Variants in NBAS observed in about 807,000 individuals in gnomAD.
NBAS encodes NBAS subunit of NRZ tethering complex.
NBAS carries 219 observed loss-of-function variants against 302.5 expected under a neutral mutation model. The ratio of observed to expected loss-of-function variants is 0.72; its 90% CI spans 0.65 to 0.81. The LOEUF (loss-of-function observed/expected upper bound fraction) is 0.81, where lower values mean the gene tolerates loss of function less well. NBAS is among the 30% of genes least tolerant of loss of function. The pLI, the probability that NBAS is intolerant of heterozygous loss-of-function variation, is 0.00. For missense variants in NBAS, 2,932 were observed against 2,841.6 expected (o/e 1.03, Z -0.72); for synonymous variants, 1,118 against 1,021.6 (o/e 1.09, Z -1.80).
At chr2:15,047,109 A>G in the NBAS span, among the ~76,000 whole-genome samples, 1 of 152,258 alleles carries the variant, frequency 6.6e-6, no homozygotes, top group Non-Finnish European at 1.5e-5. Flanking sequence ...TGATTCAGGC[A>G]GTAGAGCCTA....
At chr2:15,176,558 A>G (rs1664551487) in intron 51 of NBAS, among the ~76,000 whole-genome samples, 1 of 152,248 alleles carries the variant, frequency 6.6e-6, no homozygotes, top group Non-Finnish European at 1.5e-5. Flanking sequence ...CAACCGGGTC[A>G]TAATATTACA....
the NBAS span, among the ~76,000 whole-genome samples, chr2:14,914,885 T>A: frequency 6.6e-6 from 1 of 152,194 alleles, no homozygotes; most frequent in Admixed American, 6.5e-5. Flanking sequence ...ATTGGAGATA[T>A]CTAATAAGTA....
chr2:15,384,029 A>T (rs570133095), intron 28 of NBAS, among the ~76,000 whole-genome samples: 1 of 152,290 alleles, frequency 6.6e-6, no homozygotes, highest in South Asian at 2.1e-4. Context: ...CTCTTGCAAC[A>T]CACTCAGGAA....
Position 15,292,720 on chromosome 2 carries a change from C to T in NBAS, c.4844G>A (p.Arg1615Gln), listed in dbSNP as rs751460375. 36 of 1,614,010 alleles carry T rather than the reference C, an allele frequency of 2.2e-5. No individual in the cohort carries two copies. Among genetic ancestry groups the T allele is most frequent in the South Asian group, 1.8e-4 (16 of 91,064 alleles). Residue 1615 changes from arginine to glutamine, a missense_variant, in exon 41 of 52, where the codon CGA becomes CAA. Coordinates refer to ENST00000281513, the MANE Select transcript of NBAS (RefSeq NM_015909.4). Reference sequence around the variant, plus strand: ...TTCAGGCCAGGCTTCGTGCTCATGTCGAGTCACATGCCTGGTGACCATCTT... The same window carrying T: ...TTCAGGCCAGGCTTCGTGCTCATGTTGAGTCACATGCCTGGTGACCATCTT... ...LIKMVTRHVT[R>Q]HEHEAWPEDL...
chr2:14,981,762 A>G, the NBAS span, among the ~76,000 whole-genome samples: 165 of 152,352 alleles, frequency 1.1e-3, 4 homozygotes, highest in East Asian at 0.029. Context: ...CCAATGCTCT[A>G]GGGAAAAAGC....
chr2:15,202,963 A>C (rs1665949107), intron 48 of NBAS, among the ~76,000 whole-genome samples: 1 of 152,210 alleles, frequency 6.6e-6, no homozygotes, highest in Non-Finnish European at 1.5e-5. Context: ...TGTATCATTC[A>C]GACTCAGATT....
At chr2:14,961,454 T>C in the NBAS span, among the ~76,000 whole-genome samples, 2 of 151,978 alleles carry the variant, frequency 1.3e-5, no homozygotes, top group African/African-American at 4.8e-5. Context: ...GGGCCCCCTC[T>C]CTGCCCATGT....
chr2:15,211,973 T>C (rs573161918), intron 48 of NBAS, among the ~76,000 whole-genome samples: 1 of 152,324 alleles, frequency 6.6e-6, no homozygotes, highest in Non-Finnish European at 1.5e-5. Context: ...GAAATTAGTG[T>C]CATTTGCCAC....
chr2:15,031,851 G>A, the NBAS span, among the ~76,000 whole-genome samples: 1 of 152,216 alleles, frequency 6.6e-6, no homozygotes, highest in African/African-American at 2.4e-5. Flanking sequence ...AAAGAGAACT[G>A]GCTGGAGATT....
At position 15,315,372 on chromosome 2, in the gene NBAS, T is replaced by C. The variant is rs571260125; in HGVS notation, c.4583-6125A>G. On this transcript the variant is annotated intron_variant, in intron 38 of 51. Coordinates refer to ENST00000281513, the MANE Select transcript of NBAS (RefSeq NM_015909.4). ...GGGAGTGAACGGAGAATGAGCAGGA[T>C]TGAACAGGAGTTCACTGCAAAATTA... is the stretch of plus-strand genomic sequence containing the variant. Among the ~76,000 whole-genome samples, 134 of 152,264 alleles carry C rather than the reference T, an allele frequency of 8.8e-4. 1 individual carries two copies. The highest frequency in any genetic ancestry group is 3.4e-3 in the Middle Eastern group (1 of 294).
intron 21 of NBAS, among the ~76,000 whole-genome samples, chr2:15,453,903 G>T (rs10204568): frequency 6.6e-6 from 1 of 151,100 alleles, no homozygotes; most frequent in Non-Finnish European, 1.5e-5. Context: ...CTCAGCCTCT[G>T]GAGTAGTTGG....
At chr2:15,324,069 C>T (rs1225940383) in intron 38 of NBAS, among the ~76,000 whole-genome samples, 12 of 151,992 alleles carry the variant, frequency 7.9e-5, no homozygotes, top group Admixed American at 7.2e-4. Flanking sequence ...AAGATGGTAG[C>T]GAGGACAATC....
At chr2:14,867,894 T>C in the NBAS span, among the ~76,000 whole-genome samples, 8 of 152,216 alleles carry the variant, frequency 5.3e-5, no homozygotes, top group Non-Finnish European at 1.0e-4. Flanking sequence ...TTAAATGTTT[T>C]CTTTCCTAGT....
the NBAS span, among the ~76,000 whole-genome samples, chr2:14,799,542 T>C: frequency 6.6e-6 from 1 of 152,162 alleles, no homozygotes; most frequent in Non-Finnish European, 1.5e-5. Context: ...TCTGCTGTTA[T>C]TGGTACTCTG....
intron 48 of NBAS, among the ~76,000 whole-genome samples, chr2:15,217,089 T>C (rs4668885): frequency 0.2 from 30,189 of 152,206 alleles, 3,714 homozygotes; most frequent in East Asian, 0.46. Context: ...TTCTATGCCC[T>C]GTACCGGCAA....
the NBAS span, among the ~76,000 whole-genome samples, chr2:14,938,566 TACAA>T: frequency 1.1e-3 from 173 of 152,324 alleles, 2 homozygotes; most frequent in African/African-American, 3.8e-3. Flanking sequence ...AACTATGATT[TACAA>T]ACAAAGTATC....
chr2:15,030,302 G>C, the NBAS span, among the ~76,000 whole-genome samples: 2 of 152,216 alleles, frequency 1.3e-5, no homozygotes, highest in Admixed American at 6.5e-5. Context: ...AGTCAGAGGA[G>C]AGTGCAAGGA....
At chr2:15,278,246 T>G (rs2148063143) in intron 42 of NBAS, among the ~76,000 whole-genome samples, 1 of 152,344 alleles carries the variant, frequency 6.6e-6, no homozygotes, top group East Asian at 1.9e-4. Flanking sequence ...AAGTAATTTT[T>G]AAAAACTGGT....
the NBAS span, among the ~76,000 whole-genome samples, chr2:15,101,783 T>C: frequency 6.6e-6 from 1 of 152,240 alleles, no homozygotes; most frequent in Non-Finnish European, 1.5e-5. Flanking sequence ...AGAATTCTTT[T>C]AGAAACTCAT....
Sources: gnomAD v4.1 joint callset for allele counts (sites outside exome capture counted in the v4.1 genomes callset) on GRCh38, gnomAD v4.1.1 for gene constraint, MANE v1.5 for transcripts, NCBI Gene and HGNC (gene_info 2026-07-23, HGNC 2026-07-21) for gene names.